CST3: variants seen among roughly 807,000 people sequenced by gnomAD.
CST3 encodes cystatin-C.
Under a neutral mutation model 9.0 loss-of-function variants are expected in CST3, and 14 were observed. That is an observed-to-expected ratio of 1.56 (90% CI 1.03 to 2.44). CST3 has a LOEUF of 2.44. Ranked by LOEUF, CST3 falls within the 30% of genes most tolerant of loss-of-function variation. The probability of loss-of-function intolerance (pLI) is 0.00; values close to 1 mark genes in which losing one functional copy is unlikely to be tolerated. For synonymous variants in CST3, 96 were observed against 90.2 expected (o/e 1.06, Z -0.37); for missense variants, 237 against 204.3 (o/e 1.16, Z -0.98).
rs1023641884 is a variant in CST3, at chr20:23,633,769, C to T, written c.*147G>A. The T allele has an allele frequency of 3.8e-5, 28 of 741,248 alleles. No individual in the cohort carries two copies. Among genetic ancestry groups the T allele is most frequent in the African/African-American group, 3.4e-4 (20 of 58,170 alleles). 45.9% of individuals were successfully genotyped at this position (741,248 alleles called of 1,614,324 possible). On this transcript the variant is annotated 3_prime_UTR_variant, in exon 3 of 3. Transcript: ENST00000376925. ...GAGCCCCTTGCTGAGCAACAAAGGC[C>T]GCCTGCTGCCTTCTCTGTCTGTCTC... is the stretch of plus-strand genomic sequence containing the variant.
chr20:23,630,945 A>G (rs1979430495), downstream of CST3, among the ~76,000 whole-genome samples: 1 of 152,202 alleles, frequency 6.6e-6, no homozygotes, highest in African/African-American at 2.4e-5. Context: ...ACTGAATACC[A>G]TCAGAAAAGC....
exon 4 of CST3, chr20:23,627,231 T>C (rs547969668): frequency 1.3e-5 from 2 of 152,364 alleles, no homozygotes; most frequent in South Asian, 2.1e-4. Flanking sequence ...AGCCTGTCTC[T>C]ATACATTTTT....
downstream of CST3, among the ~76,000 whole-genome samples, chr20:23,631,013 T>C (rs2122461572): frequency 6.6e-6 from 1 of 152,282 alleles, no homozygotes; most frequent in Non-Finnish European, 1.5e-5. Context: ...TGTTAAACGT[T>C]GTCAATTTTT....
At chr20:23,630,747 A>G (rs1312249604), downstream of CST3, among the ~76,000 whole-genome samples, 1 of 151,708 alleles carries the variant, frequency 6.6e-6, no homozygotes, top group East Asian at 1.9e-4. Context: ...CTAAGTCCAT[A>G]AATAATAAAC....
Position 23,637,872 on chromosome 20 carries a change from G to A in CST3, c.-10C>T, listed in dbSNP as rs745489881. 5.0e-5 allele frequency: 69 copies of A among 1,389,588 alleles called. No individual in the cohort carries two copies. Among genetic ancestry groups the A allele is most frequent in the Admixed American group, 7.6e-5 (2 of 26,402 alleles). 86.1% of individuals were successfully genotyped at this position (1,389,588 alleles called of 1,614,324 possible). On this transcript the variant is annotated 5_prime_UTR_variant, in exon 1 of 3. Coordinates refer to ENST00000376925, the MANE Select transcript of CST3 (RefSeq NM_000099.4). ...GCAGGGGCCCGGCCATGGTCGGCTA[G>A]GACGCGGGACGCGGGGAGTGGGGCG...
chr20:23,634,399 C>A (rs1409293285), intron 2 of CST3, among the ~76,000 whole-genome samples: 1 of 152,196 alleles, frequency 6.6e-6, no homozygotes, highest in African/African-American at 2.4e-5. Flanking sequence ...ACCCAGGGAA[C>A]TGGAAATTCC....
intron 1 of CST3, among the ~76,000 whole-genome samples, chr20:23,636,393 G>C (rs1313152080): frequency 6.6e-6 from 1 of 152,186 alleles, no homozygotes; most frequent in Non-Finnish European, 1.5e-5. Context: ...ACTCCGGTCT[G>C]CTGGGTGTCT....
intron 1 of CST3, 48 bp downstream of exon 1, chr20:23,637,572 T>C: frequency 6.9e-7 from 1 of 1,443,434 alleles, no homozygotes; most frequent in East Asian, 2.9e-5. Flanking sequence ...GGGGGGAGGC[T>C]GGGACGGCGG....
chr20:23,629,222 G>A (rs1979358720), downstream of CST3: 3 of 152,276 alleles, frequency 2.0e-5, no homozygotes, highest in South Asian at 6.2e-4. Flanking sequence ...AGGGGAGGAG[G>A]GGTGAATCCT....
At chr20:23,630,266 G>A (rs1184779140), downstream of CST3, among the ~76,000 whole-genome samples, 1 of 152,188 alleles carries the variant, frequency 6.6e-6, no homozygotes, top group Non-Finnish European at 1.5e-5. Flanking sequence ...CCAAGCTTGA[G>A]ACTAGAGTTC....
chr20:23,635,661 G>T (rs567574824), intron 1 of CST3, among the ~76,000 whole-genome samples: 12 of 152,342 alleles, frequency 7.9e-5, no homozygotes, highest in African/African-American at 2.9e-4. Flanking sequence ...TTCTAGGAAG[G>T]TTCTCATGTG....
downstream of CST3, among the ~76,000 whole-genome samples, chr20:23,633,460 C>G (rs2122468284): frequency 6.6e-6 from 1 of 152,324 alleles, no homozygotes; most frequent in South Asian, 2.1e-4. Context: ...TGCCTTGTTT[C>G]CCAGCCCCTG....
chr20:23,637,776 G>A lies in CST3; in HGVS notation c.87C>T (p.Pro29=), dbSNP rs1307812877. ...CTCCCACTAGGCGCGGCGGCTTGCC[G>A]GGACTGGAGCCGGCCGCGGGGCTCA... is the stretch of plus-strand genomic sequence containing the variant. ...LAVSPAAGSS[P]GKPPRLVGGP... The change falls in exon 1 of 3, where the codon CCC becomes CCT. Residue 29 remains proline (P), a synonymous_variant. Transcript: ENST00000376925. 2 of 1,529,270 alleles carry A rather than the reference G, an allele frequency of 1.3e-6. No homozygotes were observed. Among genetic ancestry groups the A allele is most frequent in the East Asian group, 5.2e-5 (2 of 38,190 alleles). 94.7% of individuals were successfully genotyped at this position (1,529,270 alleles called of 1,614,324 possible). A position where few individuals can be genotyped will look rare whatever the true frequency, so the allele number is the denominator to read the frequency against.
chr20:23,629,759 A>C (rs1979382868), downstream of CST3, among the ~76,000 whole-genome samples: 1 of 151,966 alleles, frequency 6.6e-6, no homozygotes, highest in African/African-American at 2.4e-5. Context: ...GTGGAATGTG[A>C]AGGTCAAGTG....
chr20:23,633,357 C>T (rs181098269), downstream of CST3, among the ~76,000 whole-genome samples: 947 of 152,220 alleles, frequency 6.2e-3, 11 homozygotes, highest in Non-Finnish European at 8.5e-3. Flanking sequence ...GTCTGACCAG[C>T]AGCTCAGACC....
chr20:23,636,270 A>G (rs1420156506), intron 1 of CST3, among the ~76,000 whole-genome samples: 2 of 152,134 alleles, frequency 1.3e-5, no homozygotes, highest in African/African-American at 4.8e-5. Flanking sequence ...TGAATTTCCA[A>G]GAGAAGGTGG....
At chr20:23,635,208 C>CA in intron 2 of CST3, 46 bp downstream of exon 2, 1 of 1,369,978 alleles carries the variant, frequency 7.3e-7, no homozygotes, top group South Asian at 1.2e-5. Context: ...ACACACACAC[C>CA]CCTCTGCAGT....
At chr20:23,627,781 C>T (rs1465414823) in exon 4 of CST3, 1 of 152,134 alleles carries the variant, frequency 6.6e-6, no homozygotes, top group Non-Finnish European at 1.5e-5. Flanking sequence ...TGGTGTTATG[C>T]ACGTTTTTAT....
In CST3 at chr20:23,633,913, C is replaced by A. The variant is rs755596435; in HGVS notation, c.*3G>T. ...TAGGCACAGGCCAGCCCGGTACAGA[C>A]CCCTAGGCGTCCTGACAGGTGGATT... On this transcript the variant is annotated 3_prime_UTR_variant, in exon 3 of 3. Coordinates refer to ENST00000376925, the MANE Select transcript of CST3 (RefSeq NM_000099.4). The A allele has an allele frequency of 3.4e-5, 55 of 1,613,366 alleles. No individual in the cohort carries two copies. The South Asian group carries it at 5.7e-4, about 17-fold the overall frequency.
Sources: allele counts gnomAD v4.1 joint callset (sites outside exome capture counted in the v4.1 genomes callset), GRCh38; gene constraint gnomAD v4.1.1; transcripts MANE v1.5; gene names NCBI Gene and HGNC (gene_info 2026-07-23, HGNC 2026-07-21).